ZFYVE28: variants seen among roughly 807,000 people sequenced by gnomAD.
ZFYVE28 encodes zinc finger FYVE-type containing 28, also known as lateral signaling target protein 2 homolog.
In ZFYVE28, 40 loss-of-function variants were observed where a neutral mutation model predicts 82.1. That is an observed-to-expected ratio of 0.49 (90% CI 0.38 to 0.63). The LOEUF (loss-of-function observed/expected upper bound fraction) is 0.63. Ranked by LOEUF, ZFYVE28 falls within the 30% of genes least tolerant of loss-of-function variation. ZFYVE28 has a pLI of 0.00. For synonymous variants in ZFYVE28, 612 were observed against 546.1 expected (o/e 1.12, Z -1.68); for missense variants, 1,321 against 1,242.1 (o/e 1.06, Z -0.96).
At chr4:2,340,911 G>T (rs900005050) in intron 3 of ZFYVE28, among the ~76,000 whole-genome samples, 5 of 152,090 alleles carry the variant, frequency 3.3e-5, no homozygotes, top group African/African-American at 1.2e-4. Flanking sequence ...GAGGGTGGCG[G>T]TGTCGGGGCT....
At chr4:2,396,943 C>T (rs894117725) in intron 1 of ZFYVE28, among the ~76,000 whole-genome samples, 6 of 152,146 alleles carry the variant, frequency 3.9e-5, no homozygotes, top group East Asian at 1.9e-4. Flanking sequence ...TGTGCTTCAA[C>T]GATCACTCTG....
intron 1 of ZFYVE28, among the ~76,000 whole-genome samples, chr4:2,389,284 T>C (rs994036006): frequency 6.6e-6 from 1 of 152,216 alleles, no homozygotes; most frequent in Admixed American, 6.5e-5. Flanking sequence ...AGAGCCTACC[T>C]GGATCTCACA....
At chr4:2,404,270 C>G (rs540425879) in intron 1 of ZFYVE28, among the ~76,000 whole-genome samples, 1 of 103,622 alleles carries the variant, frequency 9.7e-6, no homozygotes. Flanking sequence ...TGCAGTGAGC[C>G]AAGATCGCGC....
At chr4:2,404,183 A>G (rs986222753) in intron 1 of ZFYVE28, among the ~76,000 whole-genome samples, 11 of 148,186 alleles carry the variant, frequency 7.4e-5, no homozygotes, top group Non-Finnish European at 1.3e-4. Flanking sequence ...TTATCCAGGC[A>G]TGGTGGTGGG....
chr4:2,276,847 T>C (rs1276259694), intron 8 of ZFYVE28, among the ~76,000 whole-genome samples: 2 of 151,916 alleles, frequency 1.3e-5, no homozygotes, highest in African/African-American at 4.8e-5. Flanking sequence ...GGAAACAGTT[T>C]CAGTTTGGGA....
Position 2,332,689 on chromosome 4 carries a change from G to A in ZFYVE28, c.701+3016C>T, listed in dbSNP as rs1288366682. Among the ~76,000 whole-genome samples, 3 of 152,166 alleles carry A rather than the reference G, an allele frequency of 2.0e-5. No homozygotes were observed. The highest frequency in any genetic ancestry group is 4.4e-5 in the Non-Finnish European group (3 of 68,028). On this transcript the variant is annotated intron_variant, in intron 6 of 12. Transcript: ENST00000290974. The surrounding 1 kb of genome is among the most constrained non-coding windows in gnomAD (Gnocchi z 4.7). Reference sequence around the variant, plus strand: ...TCTGCCTGTCCGGCTCAAAGCGGTCGCTGTGGATGACGAGGAACAAGACGG... The same window carrying A: ...TCTGCCTGTCCGGCTCAAAGCGGTCACTGTGGATGACGAGGAACAAGACGG...
intron 1 of ZFYVE28, among the ~76,000 whole-genome samples, chr4:2,365,046 G>A (rs1246702255): frequency 6.6e-6 from 1 of 152,034 alleles, no homozygotes; most frequent in African/African-American, 2.4e-5. Flanking sequence ...GGTGGAGGGG[G>A]GCGGTCCAGG....
intron 1 of ZFYVE28, among the ~76,000 whole-genome samples, chr4:2,369,850 C>CTTTTTTTTTTTTTTTT (rs1408650676): frequency 1.6e-5 from 1 of 61,032 alleles, no homozygotes; most frequent in Non-Finnish European, 3.2e-5. Context: ...TTTTTCTTTT[C>CTTTTTTTTTTTTTTTT]TTTTTTTTTT....
At position 2,335,897 on chromosome 4, in the gene ZFYVE28, C is replaced by T. The variant is rs371272168; in HGVS notation, c.612-103G>A. The T allele has an allele frequency of 1.2e-4, 109 of 944,478 alleles. 1 individual carries two copies. The East Asian group carries it at 1.2e-3, about 10-fold the overall frequency. The allele number at this position is 944,478 out of a possible 1,614,324, so 58.5% of individuals were successfully genotyped here. ...CAGTGCGCTCAATCTGTACCTGCAG[C>T]CACGCGTGGTGGCCACGTCAAGAGG... is the stretch of plus-strand genomic sequence containing the variant. On this transcript the variant is annotated intron_variant, in intron 5 of 12. Transcript: ENST00000290974. The surrounding 1 kb of genome is among the most constrained non-coding windows in gnomAD (Gnocchi z 5.8).
chr4:2,384,310 T>C (rs1443925870), intron 1 of ZFYVE28, among the ~76,000 whole-genome samples: 1 of 152,074 alleles, frequency 6.6e-6, no homozygotes, highest in East Asian at 1.9e-4. Context: ...TAGGAAAGTG[T>C]GAAAGCTTCT....
intron 7 of ZFYVE28, among the ~76,000 whole-genome samples, chr4:2,313,815 C>G (rs1042995616): frequency 2.7e-5 from 4 of 149,060 alleles, no homozygotes; most frequent in Admixed American, 6.7e-5. Flanking sequence ...CACCACTGCA[C>G]TCCAGCCTGG....
intron 1 of ZFYVE28, among the ~76,000 whole-genome samples, chr4:2,367,352 G>T (rs1490336294): frequency 6.6e-6 from 1 of 152,222 alleles, no homozygotes; most frequent in African/African-American, 2.4e-5. Flanking sequence ...GGGTGCCCCC[G>T]GGGTGTCCCC....
rs1010657668 is a variant in ZFYVE28, at chr4:2,335,883, A to G, written c.612-89T>C. The G allele has an allele frequency of 3.6e-6, 4 of 1,104,638 alleles. No individual in the cohort carries two copies. The Admixed American group carries it at 8.0e-5, about 22-fold the overall frequency. The allele number at this position is 1,104,638 out of a possible 1,614,324, so 68.4% of individuals were successfully genotyped here. A position where few individuals can be genotyped will look rare whatever the true frequency, so the allele number is the denominator to read the frequency against. ...CCAGCAGGGACAGGCAGTGCGCTCAATCTGTACCTGCAGCCACGCGTGGTG... is the reference window on the plus strand; with the variant it reads ...CCAGCAGGGACAGGCAGTGCGCTCAGTCTGTACCTGCAGCCACGCGTGGTG... On this transcript the variant is annotated intron_variant, in intron 5 of 12. Coordinates refer to ENST00000290974, the MANE Select transcript of ZFYVE28 (RefSeq NM_020972.3). This position sits in a 1 kb window ranked among gnomAD's most constrained non-coding sequence, Gnocchi z 5.8.
At chr4:2,377,919 T>C (rs769092040) in intron 1 of ZFYVE28, among the ~76,000 whole-genome samples, 2 of 152,218 alleles carry the variant, frequency 1.3e-5, no homozygotes, top group African/African-American at 4.8e-5. Flanking sequence ...GGCTACATGG[T>C]AGAGCCTGTT....
At chr4:2,338,201 G>A (rs1269383779) in intron 4 of ZFYVE28, among the ~76,000 whole-genome samples, 2 of 152,252 alleles carry the variant, frequency 1.3e-5, no homozygotes, top group Admixed American at 1.3e-4. Context: ...CCCAGGCTGG[G>A]CACAGCGGCT....
intron 6 of ZFYVE28, chr4:2,330,552 G>C: frequency 8.5e-7 from 1 of 1,177,862 alleles, no homozygotes; most frequent in Non-Finnish European, 1.1e-6. Context: ...ATGGAGGAGG[G>C]GACAGCATGG....
rs913062916 is a variant in ZFYVE28, at chr4:2,332,972, G to A, written c.701+2733C>T. ...TGGACAGGCCTGCTCCCTGGACTCT[G>A]GCTTTGGGCTCTTATGCCCTCTCGC... On this transcript the variant is annotated intron_variant, in intron 6 of 12. Coordinates refer to ENST00000290974, the MANE Select transcript of ZFYVE28 (RefSeq NM_020972.3). This position sits in a 1 kb window ranked among gnomAD's most constrained non-coding sequence, Gnocchi z 4.7. 5.3e-5 allele frequency among the ~76,000 whole-genome samples: 8 copies of A among 151,990 alleles called. No homozygotes were observed. Among genetic ancestry groups the A allele is most frequent in the South Asian group, 2.1e-4 (1 of 4,820 alleles).
At position 2,341,446 on chromosome 4, in the gene ZFYVE28, A is replaced by G; in HGVS notation, c.318+32T>C. The G allele has an allele frequency of 1.2e-6, 2 of 1,610,214 alleles. No individual in the cohort carries two copies. Among genetic ancestry groups the G allele is most frequent in the Non-Finnish European group, 1.7e-6 (2 of 1,179,244 alleles). On this transcript the variant is annotated intron_variant, in intron 3 of 12. Coordinates refer to ENST00000290974, the MANE Select transcript of ZFYVE28 (RefSeq NM_020972.3). This position sits in a 1 kb window ranked among gnomAD's most constrained non-coding sequence, Gnocchi z 4.5. ...ACTTGGCTAGACGCCACCCCACATC[A>G]GGACCTCCGAACCCGGGTGGCCACC...
rs1033234124 is a variant in ZFYVE28 at position 2,332,347 on chromosome 4, G to A, written c.701+3358C>T. Among the ~76,000 whole-genome samples the A allele has an allele frequency of 2.0e-5, 3 of 152,080 alleles. No homozygotes were observed. In the South Asian group the frequency reaches 6.2e-4, roughly 32 times the overall value. ...TCCTGCGGCCCCCTGGTCCTTGCTC[G>A]AGCCCTGGACTTGCCCCTGAGCATA... is the stretch of plus-strand genomic sequence containing the variant. On this transcript the variant is annotated intron_variant, in intron 6 of 12. Coordinates refer to ENST00000290974, the MANE Select transcript of ZFYVE28 (RefSeq NM_020972.3). The surrounding 1 kb of genome is among the most constrained non-coding windows in gnomAD (Gnocchi z 4.7).
Sources: allele counts gnomAD v4.1 joint callset (sites outside exome capture counted in the v4.1 genomes callset), GRCh38; gene constraint gnomAD v4.1.1; non-coding constraint Gnocchi (gnomAD v3.1); transcripts MANE v1.5; gene names NCBI Gene and HGNC (gene_info 2026-07-23, HGNC 2026-07-21).